CABIN1: variants seen among roughly 807,000 people sequenced by gnomAD.
CABIN1 encodes calcineurin binding protein 1, also known as calcineurin-binding protein cabin-1.
Under a neutral mutation model 227.7 loss-of-function variants are expected in CABIN1, and 133 were observed. The ratio of observed to expected loss-of-function variants is 0.58; its 90% CI spans 0.51 to 0.67. The LOEUF (loss-of-function observed/expected upper bound fraction) is 0.67, where lower values mean the gene tolerates loss of function less well. Among genes scored for constraint, CABIN1 ranks in the 30% least tolerant of loss-of-function variants. The probability of loss-of-function intolerance (pLI) is 0.00; values close to 1 mark genes in which losing one functional copy is unlikely to be tolerated. For synonymous variants in CABIN1, 1,086 were observed against 1,155.1 expected, an observed-to-expected ratio of 0.94 and a Z score of 1.21; for missense variants, 2,408 against 2,852.5, an observed-to-expected ratio of 0.84 and a Z score of 3.55.
At chr22:24,156,289 C>T (rs1014998551) in intron 29 of CABIN1, among the ~76,000 whole-genome samples, 13 of 152,134 alleles carry the variant, frequency 8.5e-5, no homozygotes, top group Admixed American at 2.0e-4. Context: ...CCCGGCGCCC[C>T]CGCGGAGGAA....
Position 24,177,910 on chromosome 22 carries a change from TG to T in CABIN1, c.6519+97del. 9.4e-7 allele frequency: 1 copy of T among 1,067,070 alleles called. No individual in the cohort carries two copies. The highest frequency in any genetic ancestry group is 1.2e-6 in the Non-Finnish European group (1 of 813,882). 66.1% of individuals were successfully genotyped at this position (1,067,070 alleles called of 1,614,324 possible). On this transcript the variant is annotated intron_variant, in intron 36 of 36. Coordinates refer to ENST00000263119, the MANE Select transcript of CABIN1 (RefSeq NM_012295.4). This position sits in a 1 kb window ranked among gnomAD's most constrained non-coding sequence, Gnocchi z 4.4. Reference sequence around the variant, plus strand: ...TGGGGGTGGGGGTGGCAGGAGGGCCTGGGGTGTGGGTGAGGATGGCATAGGG... The same window carrying T: ...TGGGGGTGGGGGTGGCAGGAGGGCCTGGGTGTGGGTGAGGATGGCATAGGG...
intron 29 of CABIN1, among the ~76,000 whole-genome samples, chr22:24,153,843 G>A (rs2045631175): frequency 6.6e-6 from 1 of 152,156 alleles, no homozygotes; most frequent in African/African-American, 2.4e-5. Flanking sequence ...GCTTAGCACA[G>A]AAGCCCTGAG....
chr22:24,058,628 G>A (rs1373075722), intron 10 of CABIN1, among the ~76,000 whole-genome samples: 2 of 152,144 alleles, frequency 1.3e-5, no homozygotes, highest in East Asian at 1.9e-4. Flanking sequence ...CTATCTATCC[G>A]CTTTCCACCT....
chr22:24,132,353 C>G (rs968394351), intron 28 of CABIN1, among the ~76,000 whole-genome samples: 2 of 152,326 alleles, frequency 1.3e-5, no homozygotes. Context: ...AGCCCCACCC[C>G]TTTCTCCCCA....
chr22:24,063,844 G>A (rs1250797634), intron 14 of CABIN1, among the ~76,000 whole-genome samples, 191 bp from the exon 15 acceptor site: 1 of 152,208 alleles, frequency 6.6e-6, no homozygotes, highest in East Asian at 1.9e-4. Context: ...GACATGGACT[G>A]TTCATTTAGT....
At chr22:24,072,562 C>T (rs2040168389) in intron 18 of CABIN1, 52 bp downstream of exon 18, 3 of 1,605,952 alleles carry the variant, frequency 1.9e-6, no homozygotes, top group Non-Finnish European at 2.6e-6. Context: ...CATGTCCTTG[C>T]CCCTGTCCTC....
At chr22:24,128,151 C>T (rs898532706) in intron 28 of CABIN1, among the ~76,000 whole-genome samples, 1 of 152,274 alleles carries the variant, frequency 6.6e-6, no homozygotes, top group African/African-American at 2.4e-5. Flanking sequence ...GGGTGCATTT[C>T]CTTTCCATCT....
chr22:24,019,073 T>C (rs1048482400), intron 1 of CABIN1, among the ~76,000 whole-genome samples: 1 of 151,550 alleles, frequency 6.6e-6, no homozygotes, highest in Non-Finnish European at 1.5e-5. Flanking sequence ...ATGAAGGCTA[T>C]TGATTTTTAT....
chr22:24,033,438 A>G (rs1281839969), intron 1 of CABIN1, among the ~76,000 whole-genome samples: 1 of 152,234 alleles, frequency 6.6e-6, no homozygotes, highest in Non-Finnish European at 1.5e-5. Flanking sequence ...TGCTGGGATT[A>G]CATGAGCCAC....
chr22:24,164,399 G>T lies in CABIN1; in HGVS notation c.4747-1G>T. ...ACACACCTGTGCCATCCATCCCACA[G>T]GGCATCTGGCGGATCCCCGTGGACG... On this transcript the variant is annotated splice_acceptor_variant, in intron 29 of 36. Coordinates refer to ENST00000263119, the MANE Select transcript of CABIN1 (RefSeq NM_012295.4). LOFTEE classifies it high-confidence loss of function. The T allele has an allele frequency of 6.2e-7, 1 of 1,602,550 alleles. No homozygotes were observed.
Position 24,067,162 on chromosome 22 carries a change from C to G in CABIN1, c.2213C>G (p.Ala738Gly). 1 of 1,614,256 alleles carries G rather than the reference C, an allele frequency of 6.2e-7. No homozygotes were observed. The highest frequency in any genetic ancestry group is 1.3e-5 in the African/African-American group (1 of 75,074). The stretch of plus-strand genomic sequence containing the variant: ...ATGACTTCCATTCCTGAGAGGCCAG[C>G]CCAGCTGCTTCTTCTGCAGGTGTGT... ...EFMTSIPERP[A>G]QLLLLQDSLL... Residue 738 changes from alanine to glycine, a missense_variant, in exon 16 of 37, where the codon GCC becomes GGC. By Grantham distance (60) the Ala-to-Gly change is moderately conservative (BLOSUM62 0). This residue lies in a region of CABIN1 where 1,045 missense variants were observed against 1,168.4 expected (regional missense o/e 0.89). Transcript: ENST00000263119.
At chr22:24,012,829 C>T (rs574071680) in intron 1 of CABIN1, among the ~76,000 whole-genome samples, 122 of 152,194 alleles carry the variant, frequency 8.0e-4, no homozygotes, top group African/African-American at 2.7e-3. Context: ...GGCATGATCT[C>T]GGCTCACTGC....
intron 26 of CABIN1, among the ~76,000 whole-genome samples, chr22:24,111,907 C>A (rs752750036): frequency 2.0e-5 from 3 of 152,186 alleles, no homozygotes; most frequent in Non-Finnish European, 4.4e-5. Flanking sequence ...ATCTCTGTTA[C>A]TGTGTTTTTT....
In CABIN1 at chr22:24,095,160, G is replaced by A. The variant is rs900559032; in HGVS notation, c.3787-771G>A. Among the ~76,000 whole-genome samples, 4 of 152,224 alleles carry A rather than the reference G, an allele frequency of 2.6e-5. 1 individual carries two copies. Among genetic ancestry groups the A allele is most frequent in the Admixed American group, 1.3e-4 (2 of 15,286 alleles). The stretch of plus-strand genomic sequence containing the variant: ...GTGCTGCCAGCAGGTTCTCACCTGG[G>A]TGAGGGGGGCCACTTAGCCAGGGCC... On this transcript the variant is annotated intron_variant, in intron 24 of 36. Transcript: ENST00000263119.
rs2039020102 is a variant in CABIN1, at chr22:24,059,226, G to A, written c.1263-1G>A. On this transcript the variant is annotated splice_acceptor_variant, in intron 10 of 36. Coordinates refer to ENST00000263119, the MANE Select transcript of CABIN1 (RefSeq NM_012295.4). LOFTEE classifies it high-confidence loss of function. The stretch of plus-strand genomic sequence containing the variant: ...TTGTGATTTTGGCATGTTACATGCA[G>A]GTTAAGAAAGCTGGACCCTGAGGAG... 1 of 1,614,108 alleles carries A rather than the reference G, an allele frequency of 6.2e-7. No individual in the cohort carries two copies. The highest frequency in any genetic ancestry group is 1.1e-5 in the South Asian group (1 of 91,088).
chr22:24,134,667 GC>G (rs1245932215), intron 29 of CABIN1, among the ~76,000 whole-genome samples: 1 of 152,184 alleles, frequency 6.6e-6, no homozygotes, highest in African/African-American at 2.4e-5. Flanking sequence ...GTTCTCCAAA[GC>G]CCCAGGTATT....
chr22:24,038,550 C>T (rs1165473650), intron 4 of CABIN1, 89 bp downstream of exon 4: 6 of 891,642 alleles, frequency 6.7e-6, no homozygotes, highest in African/African-American at 6.5e-5. Context: ...TCTGCTCTCC[C>T]ATTTCTTGGC....
At position 24,139,603 on chromosome 22, in the gene CABIN1, G is replaced by A. The variant is rs541303738; in HGVS notation, c.4746+5188G>A. ...AAAGTGTGCGTGTGTGCTTTTTAGCGACTTTGCTTTTTCCATGACACCAAG... is the reference window on the plus strand; with the variant it reads ...AAAGTGTGCGTGTGTGCTTTTTAGCAACTTTGCTTTTTCCATGACACCAAG... On this transcript the variant is annotated intron_variant, in intron 29 of 36. Transcript: ENST00000263119. 5.3e-5 allele frequency among the ~76,000 whole-genome samples: 8 copies of A among 152,130 alleles called. 1 individual carries two copies. In the South Asian group the frequency reaches 1.2e-3, roughly 24 times the overall value.
chr22:24,102,684 G>C (rs867559425), intron 26 of CABIN1, among the ~76,000 whole-genome samples: 11 of 152,146 alleles, frequency 7.2e-5, no homozygotes, highest in Non-Finnish European at 1.6e-4. Flanking sequence ...GGGGTGTGTC[G>C]GTGTTTCTCT....
Sources: allele counts gnomAD v4.1 joint callset (sites outside exome capture counted in the v4.1 genomes callset), GRCh38; gene constraint gnomAD v4.1.1; regional missense constraint gnomAD v4.1.1; non-coding constraint Gnocchi (gnomAD v3.1); transcripts MANE v1.5; gene names NCBI Gene and HGNC (gene_info 2026-07-23, HGNC 2026-07-21).